Variants in NR4A1 observed in about 807,000 individuals in gnomAD.
NR4A1 encodes the protein nuclear receptor subfamily 4 group A member 1, also known as nuclear receptor subfamily 4immunitygroup A member 1.
Under a neutral mutation model 47.5 loss-of-function variants are expected in NR4A1, and 24 were observed. That is an observed-to-expected ratio of 0.50 (90% CI 0.37 to 0.71). NR4A1 has a LOEUF of 0.71. Ranked by LOEUF, NR4A1 falls within the 30% of genes least tolerant of loss-of-function variation. The probability of loss-of-function intolerance (pLI) is 0.00; values close to 1 mark genes in which losing one functional copy is unlikely to be tolerated. For missense variants in NR4A1, 669 were observed against 788.6 expected, an observed-to-expected ratio of 0.85 and a Z score of 1.82; for synonymous variants, 353 against 345.7, an observed-to-expected ratio of 1.02 and a Z score of -0.24.
chr12:52,029,066 A>G (rs1938062884), intron 1 of NR4A1, among the ~76,000 whole-genome samples: 1 of 152,234 alleles, frequency 6.6e-6, no homozygotes. Flanking sequence ...CTCTGATTCC[A>G]GGACCTTCTG....
At chr12:52,041,794 G>C in intron 1 of NR4A1, 1 of 1,327,886 alleles carries the variant, frequency 7.5e-7, no homozygotes, top group African/African-American at 1.5e-5. Context: ...CACTCACATC[G>C]ACTCTCCCTC....
chr12:52,043,754 C>T (rs1169529464), intron 2 of NR4A1: 1 of 1,286,040 alleles, frequency 7.8e-7, no homozygotes, highest in South Asian at 1.2e-5. Context: ...TGCTGCCCAG[C>T]CTCGGCTGTG....
At chr12:52,054,087 CCTT>C (rs1383481400) in intron 1 of NR4A1, 2 of 533,786 alleles carry the variant, frequency 3.7e-6, no homozygotes, top group Non-Finnish European at 6.6e-6. Context: ...GTGTGGCTGG[CCTT>C]CTGATGGAGC....
intron 2 of NR4A1, chr12:52,042,015 A>T: frequency 5.2e-6 from 6 of 1,161,396 alleles, no homozygotes; most frequent in Non-Finnish European, 6.5e-6. Flanking sequence ...CCCAAAGCGG[A>T]TGTGGTTAGG....
chr12:52,057,589 C>T (rs1360494542), intron 6 of NR4A1, 59 bp downstream of exon 6: 8 of 1,587,704 alleles, frequency 5.0e-6, no homozygotes, highest in East Asian at 4.5e-5. Context: ...TTGACTGGTT[C>T]TCAGGAGGGC....
intron 1 of NR4A1, chr12:52,053,428 T>G (rs1186620609): frequency 2.0e-5 from 3 of 152,050 alleles, no homozygotes; most frequent in African/African-American, 4.8e-5. Flanking sequence ...AGAGTTCTCT[T>G]ATTAAGATAA....
At chr12:52,028,327 G>A (rs1938044476) in intron 1 of NR4A1, among the ~76,000 whole-genome samples, 1 of 151,844 alleles carries the variant, frequency 6.6e-6, no homozygotes, top group Non-Finnish European at 1.5e-5. Context: ...TGTAATCCCA[G>A]CACTTTGGGA....
chr12:52,028,166 C>T (rs1193406578), intron 1 of NR4A1, among the ~76,000 whole-genome samples: 1 of 117,236 alleles, frequency 8.5e-6, no homozygotes, highest in Non-Finnish European at 1.6e-5. Flanking sequence ...TGTGCCACTA[C>T]ACTCCAGTCT....
In NR4A1 at chr12:52,057,456, T is replaced by C; in HGVS notation, c.1466T>C (p.Phe489Ser). 1 of 1,614,232 alleles carries C rather than the reference T, an allele frequency of 6.2e-7. No homozygotes were observed. The highest frequency in any genetic ancestry group is 8.5e-7 in the Non-Finnish European group (1 of 1,180,032). ...FGDWIDSILA[F>S]SRSLHSLLVD... ...GACTGGATTGACAGTATCCTGGCCTTCTCAAGGTCCCTGCACAGCTTGCTT... is the reference window on the plus strand; with the variant it reads ...GACTGGATTGACAGTATCCTGGCCTCCTCAAGGTCCCTGCACAGCTTGCTT... The change falls in exon 6 of 7, where the codon TTC becomes TCC. Residue 489 changes from phenylalanine (F) to serine (S), a missense_variant. Coordinates refer to ENST00000394825, the MANE Select transcript of NR4A1 (RefSeq NM_173157.3).
chr12:52,050,522 C>T (rs956253788), upstream of NR4A1, among the ~76,000 whole-genome samples: 11 of 152,246 alleles, frequency 7.2e-5, no homozygotes, highest in Admixed American at 4.6e-4. Flanking sequence ...TTCTCAGGCT[C>T]CACCCGGTTC....
chr12:52,056,479 C>T lies in NR4A1; in HGVS notation c.1007-15C>T. 1 of 1,612,310 alleles carries T rather than the reference C, an allele frequency of 6.2e-7. No individual in the cohort carries two copies. Among genetic ancestry groups the T allele is most frequent in the South Asian group, 1.1e-5 (1 of 90,966 alleles). ...CAGATCCCTTCCTTCCTCACCCCTA[C>T]CCATTCCTTTGCAGTTGTCCGAACA... On this transcript the variant is annotated splice_polypyrimidine_tract_variant and intron_variant, in intron 3 of 6. Transcript: ENST00000394825.
At chr12:52,041,035 T>C (rs1938414438) in intron 1 of NR4A1, among the ~76,000 whole-genome samples, 2 of 152,116 alleles carry the variant, frequency 1.3e-5, no homozygotes, top group South Asian at 4.1e-4. Flanking sequence ...GCTTCCACCC[T>C]GGAAGGAGAG....
chr12:52,054,307 G>C lies in NR4A1; in HGVS notation c.-2-20G>C, dbSNP rs1939127143. The C allele has an allele frequency of 1.3e-6, 2 of 1,579,664 alleles. No individual in the cohort carries two copies. Among genetic ancestry groups the C allele is most frequent in the Non-Finnish European group, 1.7e-6 (2 of 1,160,130 alleles). ...CCCACTGACTCTCCTTTCCCTCCCT[G>C]GGGTCTCCTCTCTCTCCAGAGATGC... On this transcript the variant is annotated intron_variant, in intron 1 of 6. Transcript: ENST00000394825.
Position 52,037,456 on chromosome 12 carries a change from C to A in NR4A1, c.-83-4354C>A. On this transcript the variant is annotated intron_variant, in intron 1 of 7. Coordinates refer to the NR4A1 transcript ENST00000360284. ...CCCGCGGGGCCAGGTGAGGGGCTGC[C>A]GGGGTGGCGGGAGGTGGGCCCCGGA... The A allele has an allele frequency of 4.1e-6, 4 of 982,788 alleles. No homozygotes were observed. In the South Asian group the frequency reaches 1.4e-4, roughly 35 times the overall value. The allele number at this position is 982,788 out of a possible 1,614,324, so 60.9% of individuals were successfully genotyped here.
Position 52,054,750 on chromosome 12 carries a change from C to T in NR4A1, c.422C>T (p.Pro141Leu). 1 of 1,612,616 alleles carries T rather than the reference C, an allele frequency of 6.2e-7. No individual in the cohort carries two copies. The highest frequency in any genetic ancestry group is 8.5e-7 in the Non-Finnish European group (1 of 1,179,996). ...GGCAGCCCCTGCTCGGCCCCGTCGC[C>T]CTCCACGCCCAGCTTCCAGCCGCCC... ...YYGSPCSAPS[P>L]STPSFQPPQL... is the part of the protein sequence containing the mutation. The change falls in exon 2 of 7, where the codon CCC becomes CTC. Residue 141 changes from proline to leucine, a missense_variant. Transcript: ENST00000394825.
Position 52,033,213 on chromosome 12 carries a change from G to C in NR4A1, c.-83-8597G>C, listed in dbSNP as rs577556157. ...GGCCGCCCCCGGGAGCGCAGCTGGG[G>C]CTCGGCCCTGTTCCTTCCGGCCCGG... On this transcript the variant is annotated intron_variant, in intron 1 of 7. Coordinates refer to the NR4A1 transcript ENST00000360284. Among the ~76,000 whole-genome samples the C allele has an allele frequency of 6.6e-4, 101 of 152,288 alleles. 1 individual carries two copies. The South Asian group carries it at 0.02, about 30-fold the overall frequency.
chr12:52,055,974 T>TA, intron 2 of NR4A1, 56 bp from the exon 3 acceptor site: 1 of 516,354 alleles, frequency 1.9e-6, no homozygotes, highest in Non-Finnish European at 3.2e-6. Context: ...TCCCCTAAGT[T>TA]CCCCCCTCCC....
chr12:52,046,377 C>T (rs189763085), intron 2 of NR4A1, among the ~76,000 whole-genome samples: 6 of 152,160 alleles, frequency 3.9e-5, no homozygotes, highest in African/African-American at 9.6e-5. Flanking sequence ...ACATACTGGT[C>T]GGTGAGGGAT....
intron 1 of NR4A1, among the ~76,000 whole-genome samples, chr12:52,023,732 C>T (rs1213334859): frequency 6.6e-6 from 1 of 152,122 alleles, no homozygotes; most frequent in Non-Finnish European, 1.5e-5. Flanking sequence ...CCCAGCCCGT[C>T]CACCGTCCTC....
Sources: gnomAD v4.1 joint callset for allele counts (sites outside exome capture counted in the v4.1 genomes callset) on GRCh38, gnomAD v4.1.1 for gene constraint, MANE v1.5 for transcripts, NCBI Gene and HGNC (gene_info 2026-07-23, HGNC 2026-07-21) for gene names.